Variants in GLIPR1 observed in about 807,000 individuals in gnomAD.
GLIPR1 encodes glioma pathogenesis-related protein 1.
GLIPR1 carries 38 observed loss-of-function variants against 30.3 expected under a neutral mutation model. The observed-to-expected ratio is 1.26, with a 90% CI of 0.97 to 1.65. The LOEUF is 1.65. Ranked by LOEUF, GLIPR1 falls within the 40% of genes most tolerant of loss-of-function variation. The pLI is 0.00. For synonymous variants in GLIPR1, 122 were observed against 110.6 expected, an observed-to-expected ratio of 1.10 and a Z score of -0.65; for missense variants, 285 against 326.5, an observed-to-expected ratio of 0.87 and a Z score of 0.98.
chr12:75,499,696 AC>A lies in GLIPR1; in HGVS notation c.*720del. On this transcript the variant is annotated 3_prime_UTR_variant, in exon 6 of 6. Coordinates refer to ENST00000266659, the MANE Select transcript of GLIPR1 (RefSeq NM_006851.3). ...CACTCTTCTATGAACAACCACCACC[AC>A]CAAAAAAAAAAAAAGCCCTCAGAAA... The A allele has an allele frequency of 9.7e-6, 6 of 616,884 alleles. No homozygotes were observed. In the South Asian group the frequency reaches 1.4e-4, roughly 14 times the overall value. 38.2% of individuals were successfully genotyped at this position (616,884 alleles called of 1,614,324 possible).
At position 75,501,839 on chromosome 12, in the gene GLIPR1, T is replaced by G; in HGVS notation, c.*2861T>G. The G allele has an allele frequency of 6.4e-7, 1 of 1,571,628 alleles. No individual in the cohort carries two copies. The highest frequency in any genetic ancestry group is 8.7e-7 in the Non-Finnish European group (1 of 1,150,480). ...AGCCTACATTAATAAATAAAAAATA[T>G]ATCAGTTAAATGTATTTATAGTTAA... On this transcript the variant is annotated 3_prime_UTR_variant, in exon 6 of 6. Coordinates refer to ENST00000266659, the MANE Select transcript of GLIPR1 (RefSeq NM_006851.3).
intron 3 of GLIPR1, 95 bp from the exon 4 acceptor site, chr12:75,495,482 C>A: frequency 1.5e-6 from 1 of 687,532 alleles, no homozygotes; most frequent in Admixed American, 2.2e-5. Context: ...GTACTTCACT[C>A]CACTATTCTT....
intron 4 of GLIPR1, chr12:75,498,370 A>C (rs2046364570): frequency 5.5e-6 from 1 of 182,334 alleles, no homozygotes; most frequent in Non-Finnish European, 1.1e-5. Flanking sequence ...TATTTTAATA[A>C]ATTTCTCACA....
At chr12:75,485,383 A>G (rs1053337882) in intron 2 of GLIPR1, among the ~76,000 whole-genome samples, 3 of 152,158 alleles carry the variant, frequency 2.0e-5, no homozygotes, top group African/African-American at 4.8e-5. Flanking sequence ...TCAGCTTTAT[A>G]AAGTTTAGAA....
At chr12:75,495,113 G>A (rs746624038) in intron 3 of GLIPR1, 1 of 152,348 alleles carries the variant, frequency 6.6e-6, no homozygotes, top group Non-Finnish European at 1.5e-5. Context: ...ATTATGGAGG[G>A]CTGACCAACT....
rs373103398 is a variant in GLIPR1, at chr12:75,487,648, C to T, written c.421-2758C>T. 332 of 409,974 alleles carry T rather than the reference C, an allele frequency of 8.1e-4. 5 individuals are homozygous for T. The highest frequency in any genetic ancestry group is 5.3e-3 in the African/African-American group (256 of 48,568). The allele number at this position is 409,974 out of a possible 1,614,324, so 25.4% of individuals were successfully genotyped here. ...ACTCTGCCCATCATCTCCCTAGTCACGTCCCCACTTCTACCACACCTTTAA... is the reference window on the plus strand; with the variant it reads ...ACTCTGCCCATCATCTCCCTAGTCATGTCCCCACTTCTACCACACCTTTAA... On this transcript the variant is annotated intron_variant, in intron 2 of 5. Transcript: ENST00000266659.
chr12:75,502,127 T>A lies in GLIPR1; in HGVS notation c.*3149T>A, dbSNP rs2046398692. On this transcript the variant is annotated 3_prime_UTR_variant, in exon 6 of 6. Transcript: ENST00000266659. ...ACTGATTTATTAATAAAAATGGTAG[T>A]GACATAAAGGAAACAGAGTCTAAGC... 1 of 753,606 alleles carries A rather than the reference T, an allele frequency of 1.3e-6. No individual in the cohort carries two copies. Among genetic ancestry groups the A allele is most frequent in the African/African-American group, 1.8e-5 (1 of 56,856 alleles). 46.7% of individuals were successfully genotyped at this position (753,606 alleles called of 1,614,324 possible). A position where few individuals can be genotyped will look rare whatever the true frequency, so the allele number is the denominator to read the frequency against.
At chr12:75,497,372 C>T (rs912318904) in intron 4 of GLIPR1, 4 of 152,262 alleles carry the variant, frequency 2.6e-5, no homozygotes, top group Non-Finnish European at 5.9e-5. Flanking sequence ...AACCCTTGGA[C>T]TCTTGAGAAA....
At chr12:75,481,280 C>T (rs1419769710) in intron 1 of GLIPR1, 2 of 368,784 alleles carry the variant, frequency 5.4e-6, no homozygotes, top group Non-Finnish European at 9.7e-6. Context: ...TTGGACACTT[C>T]CTGTTTTCTG....
At chr12:75,495,552 T>C in intron 3 of GLIPR1, 25 bp from the exon 4 acceptor site, 3 of 1,377,538 alleles carry the variant, frequency 2.2e-6, no homozygotes, top group Non-Finnish European at 3.1e-6. Context: ...AAACTTCTAA[T>C]GGACATCCTT....
intron 1 of GLIPR1, chr12:75,481,436 T>C: frequency 4.6e-6 from 1 of 219,140 alleles, no homozygotes; most frequent in Non-Finnish European, 9.1e-6. Flanking sequence ...GTAGGCAGAA[T>C]GGCATCTGGG....
In GLIPR1 at chr12:75,490,146, T is replaced by C. The variant is rs947929165; in HGVS notation, c.421-260T>C. Among the ~76,000 whole-genome samples the C allele has an allele frequency of 2.0e-5, 3 of 151,730 alleles. 1 individual carries two copies. The highest frequency in any genetic ancestry group is 4.2e-4 in the South Asian group (2 of 4,800). On this transcript the variant is annotated intron_variant, in intron 2 of 5. Coordinates refer to ENST00000266659, the MANE Select transcript of GLIPR1 (RefSeq NM_006851.3). ...TCACCTTGCCAGCAATCACTCCCTA[T>C]TGCATTACCGTTTTATTTCTTCATT...
chr12:75,493,781 T>C (rs1420401153), intron 3 of GLIPR1: 1 of 152,204 alleles, frequency 6.6e-6, no homozygotes, highest in Non-Finnish European at 1.5e-5. Context: ...ATGACTCCCA[T>C]CTAGACAAAT....
rs768527336 is a variant in GLIPR1, at chr12:75,499,362, T to C, written c.*384T>C. 1 of 162,514 alleles carries C rather than the reference T, an allele frequency of 6.2e-6. No individual in the cohort carries two copies. The highest frequency in any genetic ancestry group is 1.3e-5 in the Non-Finnish European group (1 of 75,580). The allele number at this position is 162,514 out of a possible 1,614,324, so 10.1% of individuals were successfully genotyped here. On this transcript the variant is annotated 3_prime_UTR_variant, in exon 6 of 6. Coordinates refer to ENST00000266659, the MANE Select transcript of GLIPR1 (RefSeq NM_006851.3). ...GACTCTAAATATCTGGTTTTCCCTG[T>C]CTTTTTGGTTTACTACTTCCCCAGA... is the stretch of plus-strand genomic sequence containing the variant.
intron 3 of GLIPR1, chr12:75,492,019 T>C (rs1015661013): frequency 3.3e-5 from 5 of 151,762 alleles, no homozygotes; most frequent in Non-Finnish European, 2.9e-5. Context: ...ATCTTAAGAG[T>C]TGGAAAATAA....
In GLIPR1 at chr12:75,501,663, A is replaced by C. The variant is rs967501021; in HGVS notation, c.*2685A>C. The C allele has an allele frequency of 2.5e-5, 28 of 1,127,858 alleles. No homozygotes were observed. The highest frequency in any genetic ancestry group is 3.4e-5 in the Non-Finnish European group (26 of 766,696). The allele number at this position is 1,127,858 out of a possible 1,614,324, so 69.9% of individuals were successfully genotyped here. A position where few individuals can be genotyped will look rare whatever the true frequency, so the allele number is the denominator to read the frequency against. ...CTGTTTCTTAAAAAGATTCAGACAA[A>C]TTTATTATGGGTTTACTTTTCCTAA... On this transcript the variant is annotated 3_prime_UTR_variant, in exon 6 of 6. Transcript: ENST00000266659.
At chr12:75,491,994 C>G (rs1469377905) in intron 3 of GLIPR1, 1 of 151,590 alleles carries the variant, frequency 6.6e-6, no homozygotes, top group African/African-American at 2.4e-5. Context: ...CTGAAGATGA[C>G]AGCTTTGACT....
Position 75,499,152 on chromosome 12 carries a change from C to CT in GLIPR1, c.*177dup. On this transcript the variant is annotated 3_prime_UTR_variant, in exon 6 of 6. Coordinates refer to ENST00000266659, the MANE Select transcript of GLIPR1 (RefSeq NM_006851.3). ...TCCTAACTCTATCAGATAAACTCATCTTTAGTATAAATAAGCATTATTTGC... is the reference window on the plus strand; with the variant it reads ...TCCTAACTCTATCAGATAAACTCATCTTTTAGTATAAATAAGCATTATTTGC... 1 of 456,490 alleles carries CT rather than the reference C, an allele frequency of 2.2e-6. No homozygotes were observed. The highest frequency in any genetic ancestry group is 4.1e-5 in the South Asian group (1 of 24,466). 28.3% of individuals were successfully genotyped at this position (456,490 alleles called of 1,614,324 possible).
Position 75,498,930 on chromosome 12 carries a change from T to C in GLIPR1, c.753T>C (p.Ile251=). 1.2e-6 allele frequency: 2 copies of C among 1,609,318 alleles called. No individual in the cohort carries two copies. Among genetic ancestry groups the C allele is most frequent in the Non-Finnish European group, 1.7e-6 (2 of 1,176,392 alleles). Residue 251 remains isoleucine, a synonymous_variant, in exon 6 of 6, where the codon ATT becomes ATC. Transcript: ENST00000266659. ...NSVILILSVI[I]TILVQHKYPN... is the part of the protein sequence containing the mutation. ...TAATTCTAATACTGTCTGTTATAAT[T>C]ACCATTTTGGTACAGCACAAGTACC...
Sources: gnomAD v4.1 joint callset for allele counts (sites outside exome capture counted in the v4.1 genomes callset) on GRCh38, gnomAD v4.1.1 for gene constraint, MANE v1.5 for transcripts, NCBI Gene and HGNC (gene_info 2026-07-23, HGNC 2026-07-21) for gene names.